Variants in UBE2Q2 observed in about 807,000 individuals in gnomAD.
The protein encoded by UBE2Q2 is ubiquitin-conjugating enzyme E2 Q2.
In UBE2Q2, 54 loss-of-function variants were observed where a neutral mutation model predicts 59.9. The observed-to-expected ratio is 0.90, with a 90% CI of 0.72 to 1.13. The LOEUF is 1.13. UBE2Q2 is among the 50% of genes most tolerant of loss of function. The pLI is 0.00. For synonymous variants in UBE2Q2, 165 were observed against 155.2 expected (o/e 1.06, Z -0.47); for missense variants, 433 against 441.9 (o/e 0.98, Z 0.18).
At chr15:75,844,258 C>T in intron 1 of UBE2Q2, 3 of 1,519,804 alleles carry the variant, frequency 2.0e-6, no homozygotes, top group Non-Finnish European at 1.8e-6. Context: ...GGGGAACGGC[C>T]CTTAAGTTTT....
intron 7 of UBE2Q2, among the ~76,000 whole-genome samples, chr15:75,878,755 G>T (rs1898227255): frequency 6.6e-6 from 1 of 151,798 alleles, no homozygotes; most frequent in Non-Finnish European, 1.5e-5. Context: ...GAACCCTTTG[G>T]CTAATAATGT....
intron 4 of UBE2Q2, among the ~76,000 whole-genome samples, chr15:75,871,374 A>C (rs1214254137): frequency 6.6e-6 from 1 of 152,100 alleles, no homozygotes; most frequent in Non-Finnish European, 1.5e-5. Flanking sequence ...CCTTCCTCTT[A>C]TACTAATCTT....
At chr15:75,874,184 C>G (rs1392192201) in intron 5 of UBE2Q2, among the ~76,000 whole-genome samples, 1 of 152,156 alleles carries the variant, frequency 6.6e-6, no homozygotes, top group Non-Finnish European at 1.5e-5. Context: ...TTCATCCTCT[C>G]CGACAAAATA....
chr15:75,860,215 C>CT (rs1897140485), intron 3 of UBE2Q2, among the ~76,000 whole-genome samples: 1 of 152,176 alleles, frequency 6.6e-6, no homozygotes, highest in Non-Finnish European at 1.5e-5. Flanking sequence ...CTACCACCAC[C>CT]TTTTTGTTAA....
At chr15:75,870,347 T>C (rs1438549165) in intron 4 of UBE2Q2, among the ~76,000 whole-genome samples, 2 of 152,172 alleles carry the variant, frequency 1.3e-5, no homozygotes. Flanking sequence ...ATTATAGACA[T>C]ATAGACATGC....
At chr15:75,865,050 A>G (rs949700338) in intron 3 of UBE2Q2, among the ~76,000 whole-genome samples, 4 of 152,246 alleles carry the variant, frequency 2.6e-5, no homozygotes, top group South Asian at 2.1e-4. Flanking sequence ...TATGTAAAAC[A>G]TAAGCTTAGT....
intron 5 of UBE2Q2, 98 bp from the exon 6 acceptor site, chr15:75,876,087 TGA>T: frequency 2.0e-6 from 2 of 986,066 alleles, no homozygotes; most frequent in Non-Finnish European, 2.9e-6. Context: ...AAAAAAATGT[TGA>T]GTGGTGATCC....
intron 2 of UBE2Q2, among the ~76,000 whole-genome samples, chr15:75,857,123 C>T (rs1256343247): frequency 1.3e-5 from 2 of 151,966 alleles, no homozygotes; most frequent in Admixed American, 6.6e-5. Flanking sequence ...CACATGCACA[C>T]GTACGTACGT....
Position 75,899,536 on chromosome 15 carries a change from G to T in UBE2Q2, c.*78G>T. On this transcript the variant is annotated 3_prime_UTR_variant, in exon 13 of 13. Transcript: ENST00000267938. ...TAACATGCAGACAAAAGCTTTGAGT[G>T]CCCCTATTACAGCAGTACCGAAGAT... is the stretch of plus-strand genomic sequence containing the variant. 8.0e-7 allele frequency: 1 copy of T among 1,246,958 alleles called. No homozygotes were observed. 77.2% of individuals were successfully genotyped at this position (1,246,958 alleles called of 1,614,324 possible). A position where few individuals can be genotyped will look rare whatever the true frequency, so the allele number is the denominator to read the frequency against.
At chr15:75,870,407 C>G (rs930112007) in intron 4 of UBE2Q2, among the ~76,000 whole-genome samples, 6 of 152,104 alleles carry the variant, frequency 3.9e-5, no homozygotes, top group Non-Finnish European at 7.4e-5. Context: ...GAGTAAAATA[C>G]TCTTAAAACT....
chr15:75,848,119 TA>T (rs915482361), intron 1 of UBE2Q2, among the ~76,000 whole-genome samples: 1 of 152,196 alleles, frequency 6.6e-6, no homozygotes, highest in Non-Finnish European at 1.5e-5. Context: ...CTATAGATAA[TA>T]TTTTTTTGCA....
At chr15:75,878,984 G>A in intron 7 of UBE2Q2, 114 bp from the exon 8 acceptor site, 3 of 635,650 alleles carry the variant, frequency 4.7e-6, no homozygotes, top group Non-Finnish European at 7.8e-6. Context: ...TCTCTTTCTG[G>A]AACTTGCCCT....
intron 3 of UBE2Q2, among the ~76,000 whole-genome samples, chr15:75,866,254 C>CCT (rs1418298327): frequency 2.0e-5 from 3 of 151,982 alleles, no homozygotes; most frequent in Admixed American, 6.6e-5. Flanking sequence ...CTCACTGCAG[C>CCT]CTCTACCTTC....
chr15:75,861,960 T>C (rs1437836624), intron 3 of UBE2Q2, among the ~76,000 whole-genome samples: 1 of 152,206 alleles, frequency 6.6e-6, no homozygotes, highest in African/African-American at 2.4e-5. Flanking sequence ...CCTTGGTGTT[T>C]CTTCATCTGG....
chr15:75,864,335 AT>A (rs1007479006), intron 3 of UBE2Q2, among the ~76,000 whole-genome samples: 1 of 151,982 alleles, frequency 6.6e-6, no homozygotes, highest in African/African-American at 2.4e-5. Context: ...ATTTGGAAAT[AT>A]CTGGAGCCAT....
chr15:75,856,257 GTGTGTGTGTGTGTA>G (rs1210662398), intron 2 of UBE2Q2, among the ~76,000 whole-genome samples: 2 of 101,136 alleles, frequency 2.0e-5, no homozygotes. Context: ...GTGTGTGTGT[GTGTGTGTGTGTGTA>G]TATATATATA....
chr15:75,885,318 A>G (rs1898697068), intron 9 of UBE2Q2, among the ~76,000 whole-genome samples: 1 of 151,996 alleles, frequency 6.6e-6, no homozygotes, highest in Admixed American at 6.6e-5. Context: ...GGGTTTCACC[A>G]TGTTGGCCAG....
chr15:75,883,400 T>G lies in UBE2Q2; in HGVS notation c.860T>G (p.Val287Gly), dbSNP rs1198300492. 1 of 1,613,052 alleles carries G rather than the reference T, an allele frequency of 6.2e-7. No homozygotes were observed. The highest frequency in any genetic ancestry group is 8.5e-7 in the Non-Finnish European group (1 of 1,179,574). ...CCATTTGATCCTCCATTTGTTCGAG[T>G]GGTGTTACCTGTTCTCTCAGGAGGG... ...NFPFDPPFVRVVLPVLSGGYV... is the reference protein window; with the variant it reads ...NFPFDPPFVRGVLPVLSGGYV... The change falls in exon 9 of 13, where the codon GTG becomes GGG. Residue 287 changes from valine (V) to glycine (G), a missense_variant. Coordinates refer to ENST00000267938, the MANE Select transcript of UBE2Q2 (RefSeq NM_173469.4).
chr15:75,860,099 T>G lies in UBE2Q2; in HGVS notation c.387+117T>G, dbSNP rs1897133792. 15 of 762,944 alleles carry G rather than the reference T, an allele frequency of 2.0e-5. No homozygotes were observed. In the East Asian group the frequency reaches 4.3e-4, roughly 22 times the overall value. 47.3% of individuals were successfully genotyped at this position (762,944 alleles called of 1,614,324 possible). ...TATTTAGAAGTTAGTTTCATTTTTG[T>G]TCCTATTGAATTGTTTTGTTTGTTC... On this transcript the variant is annotated intron_variant, in intron 3 of 12. Coordinates refer to ENST00000267938, the MANE Select transcript of UBE2Q2 (RefSeq NM_173469.4).
Sources: gnomAD v4.1 joint callset for allele counts (sites outside exome capture counted in the v4.1 genomes callset) on GRCh38, gnomAD v4.1.1 for gene constraint, MANE v1.5 for transcripts, NCBI Gene and HGNC (gene_info 2026-07-23, HGNC 2026-07-21) for gene names.